MEIKIN: variants seen among roughly 807,000 people sequenced by gnomAD.
MEIKIN encodes meiotic kinetochore factor.
At chr5:131,929,814 A>G (rs898615491) in intron 5 of MEIKIN, among the ~76,000 whole-genome samples, 2 of 152,216 alleles carry the variant, frequency 1.3e-5, no homozygotes, top group Non-Finnish European at 2.9e-5. Flanking sequence ...TAATTTGCTT[A>G]GGATAACGGT....
Position 131,944,658 on chromosome 5 carries a change from T to A in MEIKIN, c.288+7A>T. On this transcript the variant is annotated splice_region_variant and intron_variant, in intron 3 of 12. Transcript: ENST00000442687. ...GTGTCCAAGGACTAAAAGAGAAGCA[T>A]ACATACACGCAACGATGCAATCTTC... 1 of 398,952 alleles carries A rather than the reference T, an allele frequency of 2.5e-6. No individual in the cohort carries two copies. Among genetic ancestry groups the A allele is most frequent in the Admixed American group, 4.4e-5 (1 of 22,722 alleles). The allele number at this position is 398,952 out of a possible 1,614,324, so 24.7% of individuals were successfully genotyped here.
chr5:131,901,820 A>C (rs1472285767), intron 8 of MEIKIN, among the ~76,000 whole-genome samples: 3 of 152,140 alleles, frequency 2.0e-5, no homozygotes, highest in African/African-American at 7.2e-5. Flanking sequence ...GATATCAAAC[A>C]GGGCAAAAGA....
At chr5:131,871,927 A>G (rs1395697129) in intron 9 of MEIKIN, among the ~76,000 whole-genome samples, 1 of 152,230 alleles carries the variant, frequency 6.6e-6, no homozygotes, top group Non-Finnish European at 1.5e-5. Context: ...ACAGACCTGC[A>G]GCTGAGGGTC....
intron 11 of MEIKIN, among the ~76,000 whole-genome samples, chr5:131,843,591 A>C (rs1326949317): frequency 1.3e-5 from 2 of 152,350 alleles, no homozygotes; most frequent in East Asian, 3.9e-4. Flanking sequence ...GCAGGAGCAC[A>C]ATGCTGCCAG....
intron 7 of MEIKIN, among the ~76,000 whole-genome samples, chr5:131,913,709 G>A (rs1308119586): frequency 6.6e-6 from 1 of 152,192 alleles, no homozygotes; most frequent in African/African-American, 2.4e-5. Flanking sequence ...ATTCTACACA[G>A]AATAAGGAAT....
intron 8 of MEIKIN, among the ~76,000 whole-genome samples, chr5:131,909,339 G>T (rs1751296917): frequency 6.6e-6 from 1 of 152,094 alleles, no homozygotes; most frequent in African/African-American, 2.4e-5. Flanking sequence ...CTTTAACATG[G>T]TGCTTGGAAA....
intron 11 of MEIKIN, among the ~76,000 whole-genome samples, chr5:131,826,396 T>C (rs1172912073): frequency 1.3e-5 from 2 of 152,148 alleles, no homozygotes; most frequent in African/African-American, 4.8e-5. Context: ...AGAACCAAAA[T>C]ACTGTAAAAC....
chr5:131,907,336 C>G (rs548399512), intron 8 of MEIKIN, among the ~76,000 whole-genome samples: 8 of 150,758 alleles, frequency 5.3e-5, no homozygotes, highest in African/African-American at 1.9e-4. Flanking sequence ...AGAGCAGAAA[C>G]AAATGAATTC....
intron 4 of MEIKIN, among the ~76,000 whole-genome samples, chr5:131,935,818 T>G (rs1325402806): frequency 6.6e-6 from 1 of 152,224 alleles, no homozygotes; most frequent in Non-Finnish European, 1.5e-5. Flanking sequence ...CCTGGCCATC[T>G]TCTCCAGCTG....
intron 9 of MEIKIN, among the ~76,000 whole-genome samples, chr5:131,871,201 A>T (rs10052319): frequency 0.78 from 118,808 of 151,750 alleles, 46,768 homozygotes; most frequent in African/African-American, 0.83. Context: ...CAGGGCAAGG[A>T]ATCACCTCAC....
intron 9 of MEIKIN, among the ~76,000 whole-genome samples, chr5:131,870,244 CAT>C (rs1363193256): frequency 6.6e-6 from 1 of 152,142 alleles, no homozygotes; most frequent in African/African-American, 2.4e-5. Flanking sequence ...TCAAAAATAA[CAT>C]AGACACACAC....
rs573149813 is a variant in MEIKIN at position 131,942,921 on chromosome 5, C to T, written c.289-226G>A. Among the ~76,000 whole-genome samples the T allele has an allele frequency of 7.2e-5, 11 of 151,942 alleles. No homozygotes were observed. In the South Asian group the frequency reaches 2.3e-3, roughly 32 times the overall value. On this transcript the variant is annotated intron_variant, in intron 3 of 12. Transcript: ENST00000442687. ...TACTATGAACATATCTTGTAATCAA[C>T]AATATGCTAGTCAAGTAACTACTGT... is the stretch of plus-strand genomic sequence containing the variant.
At chr5:131,808,404 T>C (rs1772887774) in intron 12 of MEIKIN, among the ~76,000 whole-genome samples, 1 of 152,206 alleles carries the variant, frequency 6.6e-6, no homozygotes, top group Non-Finnish European at 1.5e-5. Context: ...CAGTGCATCA[T>C]TTCTGATGCT....
intron 11 of MEIKIN, 26 bp from the exon 12 acceptor site, chr5:131,818,889 G>A (rs1189812001): frequency 2.3e-5 from 9 of 396,190 alleles, no homozygotes; most frequent in Middle Eastern, 6.3e-4. Flanking sequence ...AGCAGATATT[G>A]CATAATTCCT....
At chr5:131,843,386 A>G (rs867266289) in intron 11 of MEIKIN, among the ~76,000 whole-genome samples, 4 of 152,192 alleles carry the variant, frequency 2.6e-5, no homozygotes, top group African/African-American at 9.7e-5. Context: ...TCAGGCCACA[A>G]ATTTTCCATA....
At chr5:131,927,379 C>A (rs1194995571) in intron 5 of MEIKIN, among the ~76,000 whole-genome samples, 1 of 152,116 alleles carries the variant, frequency 6.6e-6, no homozygotes, top group Non-Finnish European at 1.5e-5. Flanking sequence ...TGTTTTGTGA[C>A]ATAATGTGAT....
rs193148650 is a variant in MEIKIN, at chr5:131,865,424, T to C, written c.775-10590A>G. On this transcript the variant is annotated intron_variant, in intron 9 of 12. Transcript: ENST00000442687. Reference sequence around the variant, plus strand: ...TTAGTAGAGACAGGGTTTCACCATGTTAGCCAGAATGGTCTCGATCTCCTG... The same window carrying C: ...TTAGTAGAGACAGGGTTTCACCATGCTAGCCAGAATGGTCTCGATCTCCTG... Among the ~76,000 whole-genome samples the C allele has an allele frequency of 4.8e-4, 73 of 152,328 alleles. 3 individuals are homozygous for C. The highest frequency in any genetic ancestry group is 3.4e-3 in the Admixed American group (52 of 15,310).
At chr5:131,932,978 C>A (rs1385551534) in intron 5 of MEIKIN, among the ~76,000 whole-genome samples, 1 of 151,988 alleles carries the variant, frequency 6.6e-6, no homozygotes, top group African/African-American at 2.4e-5. Flanking sequence ...TTCTTTTTTT[C>A]AATTATCTTT....
At chr5:131,945,350 C>G in intron 1 of MEIKIN, 50 bp downstream of exon 1, 2 of 399,034 alleles carry the variant, frequency 5.0e-6, no homozygotes, top group Non-Finnish European at 8.8e-6. Flanking sequence ...TCGGTCCCGT[C>G]CCGGAGGCAG....
Sources: allele counts gnomAD v4.1 joint callset (sites outside exome capture counted in the v4.1 genomes callset), GRCh38; gene constraint gnomAD v4.1.1; transcripts MANE v1.5; gene names NCBI Gene and HGNC (gene_info 2026-07-23, HGNC 2026-07-21).